The following GNAQ variants were observed in gnomAD, a reference collection of about 807,000 sequenced individuals.
The protein encoded by GNAQ is G protein subunit alpha q.
Under a neutral mutation model 43.9 loss-of-function variants are expected in GNAQ, and 8 were observed. The ratio of observed to expected loss-of-function variants is 0.18; its 90% CI spans 0.11 to 0.33. The LOEUF (loss-of-function observed/expected upper bound fraction) is 0.33. GNAQ is among the 10% of genes least tolerant of loss of function. The pLI is 1.00. For missense variants in GNAQ, 158 were observed against 450.8 expected, an observed-to-expected ratio of 0.35 and a Z score of 5.88; for synonymous variants, 155 against 170.7, an observed-to-expected ratio of 0.91 and a Z score of 0.71.
At chr9:77,763,691 T>C (rs1826091725) in intron 5 of GNAQ, among the ~76,000 whole-genome samples, 1 of 152,216 alleles carries the variant, frequency 6.6e-6, no homozygotes, top group Non-Finnish European at 1.5e-5. Context: ...TGAATACGAC[T>C]GAGCTGTACA....
At chr9:77,726,098 G>A (rs1365810430) in intron 6 of GNAQ, among the ~76,000 whole-genome samples, 1 of 152,174 alleles carries the variant, frequency 6.6e-6, no homozygotes, top group Non-Finnish European at 1.5e-5. Flanking sequence ...AGATGTGTTT[G>A]AAGCTTGAGG....
chr9:77,800,356 A>T (rs987653658), intron 3 of GNAQ, among the ~76,000 whole-genome samples: 27 of 152,168 alleles, frequency 1.8e-4, no homozygotes, highest in African/African-American at 6.3e-4. Flanking sequence ...GGATTAAGAA[A>T]ATGTGGCACA....
chr9:77,847,534 G>A (rs1827607031), intron 2 of GNAQ, among the ~76,000 whole-genome samples: 1 of 152,194 alleles, frequency 6.6e-6, no homozygotes, highest in African/African-American at 2.4e-5. Context: ...ATAATTTACA[G>A]GGAGAGAAAA....
intron 1 of GNAQ, among the ~76,000 whole-genome samples, chr9:78,026,226 C>T (rs1823978067): frequency 6.6e-6 from 1 of 152,092 alleles, no homozygotes; most frequent in South Asian, 2.1e-4. Flanking sequence ...GTCAGATTTG[C>T]CATATGAAGA....
In GNAQ at chr9:77,913,926, T is replaced by C. The variant is rs181761588; in HGVS notation, c.321+8235A>G. Among the ~76,000 whole-genome samples the C allele has an allele frequency of 2.4e-4, 36 of 152,220 alleles. No homozygotes were observed. The East Asian group carries it at 6.2e-3, about 26-fold the overall frequency. The stretch of plus-strand genomic sequence containing the variant: ...TTTTTATTATCGAAAAAGAAAAAAA[T>C]ATCAGTCTCAGTCCACTGCTGAAGT... On this transcript the variant is annotated intron_variant, in intron 2 of 6. Transcript: ENST00000286548.
At chr9:77,955,924 T>C (rs1823034967) in intron 1 of GNAQ, among the ~76,000 whole-genome samples, 1 of 152,212 alleles carries the variant, frequency 6.6e-6, no homozygotes, top group Admixed American at 6.5e-5. Flanking sequence ...CAAGAGGTGA[T>C]GTTTCTCTTC....
chr9:77,853,116 A>T (rs1827696685), intron 2 of GNAQ, among the ~76,000 whole-genome samples: 1 of 152,232 alleles, frequency 6.6e-6, no homozygotes, highest in African/African-American at 2.4e-5. Context: ...AAACTATGAT[A>T]ACGGGAAGAA....
At position 77,946,699 on chromosome 9, in the gene GNAQ, T is replaced by C. The variant is rs1422732752; in HGVS notation, c.137-24354A>G. 3.3e-5 allele frequency among the ~76,000 whole-genome samples: 5 copies of C among 152,344 alleles called. No homozygotes were observed. The South Asian group carries it at 8.3e-4, about 25-fold the overall frequency. ...TAACTGCAGTCTTTATTTTACACAATAACAGTGTATTTCTGATGCCTTAAA... is the reference window on the plus strand; with the variant it reads ...TAACTGCAGTCTTTATTTTACACAACAACAGTGTATTTCTGATGCCTTAAA... On this transcript the variant is annotated intron_variant, in intron 1 of 6. Coordinates refer to ENST00000286548, the MANE Select transcript of GNAQ (RefSeq NM_002072.5).
intron 1 of GNAQ, among the ~76,000 whole-genome samples, chr9:77,931,860 G>A (rs967300311): frequency 6.7e-6 from 1 of 148,226 alleles, no homozygotes; most frequent in Non-Finnish European, 1.5e-5. Flanking sequence ...GCAGTACCTG[G>A]TAGGAAATAG....
At chr9:77,784,349 A>T (rs137876078) in intron 5 of GNAQ, among the ~76,000 whole-genome samples, 1 of 152,260 alleles carries the variant, frequency 6.6e-6, no homozygotes, top group African/African-American at 2.4e-5. Flanking sequence ...ATATATTTCA[A>T]TTTTCCCCAG....
chr9:78,003,371 G>A (rs1011768651), intron 1 of GNAQ, among the ~76,000 whole-genome samples: 2 of 152,164 alleles, frequency 1.3e-5, no homozygotes, highest in Admixed American at 6.5e-5. Flanking sequence ...CCTTGATGGG[G>A]TAATTTTTGC....
chr9:77,810,230 CTAT>C (rs1826898513), intron 3 of GNAQ, among the ~76,000 whole-genome samples: 1 of 150,846 alleles, frequency 6.6e-6, no homozygotes, highest in African/African-American at 2.5e-5. Flanking sequence ...ATCTATCTAT[CTAT>C]CTATCTATCT....
intron 5 of GNAQ, among the ~76,000 whole-genome samples, chr9:77,776,573 G>C (rs1245738674): frequency 6.6e-6 from 1 of 152,124 alleles, no homozygotes; most frequent in African/African-American, 2.4e-5. Context: ...CTGAACAATA[G>C]AGCCCCAAAA....
intron 5 of GNAQ, among the ~76,000 whole-genome samples, chr9:77,745,356 C>G (rs1323636508): frequency 6.6e-6 from 1 of 152,050 alleles, no homozygotes; most frequent in East Asian, 1.9e-4. Context: ...AAGAAAATCT[C>G]CAGCAGAAAA....
rs182275092 is a variant in GNAQ at position 77,758,020 on chromosome 9, T to C, written c.736-29353A>G. On this transcript the variant is annotated intron_variant, in intron 5 of 6. Coordinates refer to ENST00000286548, the MANE Select transcript of GNAQ (RefSeq NM_002072.5). The stretch of plus-strand genomic sequence containing the variant: ...TCAGTCATCCCAACTATTAATATAA[T>C]GCTTCTTGATTAAACACTAAAGTCT... Among the ~76,000 whole-genome samples the C allele has an allele frequency of 4.0e-3, 603 of 152,330 alleles. 5 individuals carry two copies. The highest frequency in any genetic ancestry group is 3.3e-3 in the Non-Finnish European group (225 of 68,014).
rs10578686 is a variant in GNAQ, at chr9:77,810,207, C to CATCTATCT, written c.476+5401_476+5408dup. 2.2e-3 allele frequency among the ~76,000 whole-genome samples: 321 copies of CATCTATCT among 144,962 alleles called. 1 individual carries two copies. The highest frequency in any genetic ancestry group is 3.9e-3 in the East Asian group (19 of 4,846). ...TCTATCTTATCTAAAAACTGTCAAT[C>CATCTATCT]ATCTATCTATCTATCTATCTATCTA... On this transcript the variant is annotated intron_variant, in intron 3 of 6. Transcript: ENST00000286548.
intron 1 of GNAQ, among the ~76,000 whole-genome samples, chr9:78,023,411 T>C (rs1022621443): frequency 2.0e-5 from 3 of 152,164 alleles, no homozygotes; most frequent in Admixed American, 1.3e-4. Flanking sequence ...GGAACCTCTT[T>C]AGCATCTGTT....
intron 1 of GNAQ, among the ~76,000 whole-genome samples, chr9:78,016,761 T>G (rs1319638605): frequency 6.6e-6 from 1 of 152,164 alleles, no homozygotes; most frequent in East Asian, 1.9e-4. Flanking sequence ...AGTTCAGGCA[T>G]CTGTTAATTA....
At chr9:77,810,340 T>G (rs1433860093) in intron 3 of GNAQ, among the ~76,000 whole-genome samples, 1 of 152,102 alleles carries the variant, frequency 6.6e-6, no homozygotes, top group Admixed American at 6.6e-5. Context: ...ATAAGCAAAT[T>G]TGAATTCAAC....
Sources: gnomAD v4.1 joint callset for allele counts (sites outside exome capture counted in the v4.1 genomes callset) on GRCh38, gnomAD v4.1.1 for gene constraint, MANE v1.5 for transcripts, NCBI Gene and HGNC (gene_info 2026-07-23, HGNC 2026-07-21) for gene names.